The following NXPH1 variants were observed in gnomAD, a reference collection of about 807,000 sequenced individuals.
NXPH1 encodes neurexophilin-1.
A neutral mutation model predicts 23.7 loss-of-function variants in NXPH1; 5 were observed. That is an observed-to-expected ratio of 0.21 (90% CI 0.11 to 0.44). The LOEUF (loss-of-function observed/expected upper bound fraction) is 0.44, where lower values mean the gene tolerates loss of function less well. Among genes scored for constraint, NXPH1 ranks in the 20% least tolerant of loss-of-function variants. The probability of loss-of-function intolerance (pLI) is 0.99; values close to 1 mark genes in which losing one functional copy is unlikely to be tolerated. For synonymous variants in NXPH1, 144 were observed against 122.2 expected (o/e 1.18, Z -1.18); for missense variants, 324 against 321.6 (o/e 1.01, Z -0.06).
At chr7:8,699,144 G>T (rs756933155) in intron 2 of NXPH1, among the ~76,000 whole-genome samples, 3 of 152,026 alleles carry the variant, frequency 2.0e-5, no homozygotes, top group African/African-American at 7.2e-5. Flanking sequence ...TTTTCACTCA[G>T]ATCCAGTTGT....
At chr7:8,741,631 GATTTACAGGAAGGA>G (rs1374808429) in intron 2 of NXPH1, among the ~76,000 whole-genome samples, 4 of 152,002 alleles carry the variant, frequency 2.6e-5, no homozygotes, top group Non-Finnish European at 5.9e-5. Context: ...CTGTTGTTTT[GATTTACAGGAAGGA>G]ATGTATTTTT....
chr7:8,568,394 T>A (rs957014601), intron 2 of NXPH1, among the ~76,000 whole-genome samples: 3 of 151,930 alleles, frequency 2.0e-5, no homozygotes, highest in African/African-American at 7.2e-5. Context: ...ATATTTTAAA[T>A]GATAAATTTT....
chr7:8,644,054 C>T (rs114062897), intron 2 of NXPH1, among the ~76,000 whole-genome samples: 1,703 of 152,282 alleles, frequency 0.011, 34 homozygotes, highest in African/African-American at 0.039. Context: ...GTGTGTTCCA[C>T]AGCTGGGCGT....
intron 2 of NXPH1, among the ~76,000 whole-genome samples, chr7:8,501,478 T>C (rs1334958932): frequency 6.6e-6 from 1 of 152,072 alleles, no homozygotes; most frequent in African/African-American, 2.4e-5. Context: ...ATATGTCTTA[T>C]GAACAGAATT....
chr7:8,452,042 A>G (rs902834833), intron 2 of NXPH1, among the ~76,000 whole-genome samples: 1 of 152,198 alleles, frequency 6.6e-6, no homozygotes, highest in Non-Finnish European at 1.5e-5. Context: ...CTGACAGAAG[A>G]AAACTGACTG....
intron 2 of NXPH1, among the ~76,000 whole-genome samples, chr7:8,606,026 C>G (rs1011943494): frequency 6.6e-6 from 1 of 151,974 alleles, no homozygotes; most frequent in African/African-American, 2.4e-5. Context: ...ATAATTCTTC[C>G]TGTGTCTAAT....
At chr7:8,563,270 T>G (rs1231317136) in intron 2 of NXPH1, among the ~76,000 whole-genome samples, 2 of 151,750 alleles carry the variant, frequency 1.3e-5, no homozygotes, top group East Asian at 3.9e-4. Context: ...AAAACATTGT[T>G]GTGTATTTTA....
intron 2 of NXPH1, among the ~76,000 whole-genome samples, chr7:8,687,152 G>A (rs982046902): frequency 6.6e-6 from 1 of 152,122 alleles, no homozygotes; most frequent in African/African-American, 2.4e-5. Context: ...TTCACAGTAT[G>A]TAATGCATCA....
intron 2 of NXPH1, among the ~76,000 whole-genome samples, chr7:8,728,602 G>A (rs1780097438): frequency 6.6e-6 from 1 of 151,890 alleles, no homozygotes; most frequent in African/African-American, 2.4e-5. Context: ...ATAATCATGT[G>A]GTTTTTGTCT....
intron 2 of NXPH1, among the ~76,000 whole-genome samples, chr7:8,470,917 G>T (rs1442551187): frequency 6.6e-6 from 1 of 152,050 alleles, no homozygotes. Context: ...CTAGACATGG[G>T]AATGGGATCT....
chr7:8,486,987 C>G, intron 2 of NXPH1, among the ~76,000 whole-genome samples: 1 of 152,112 alleles, frequency 6.6e-6, no homozygotes, highest in East Asian at 1.9e-4. Flanking sequence ...TCTCTATTTT[C>G]CATGATCAGA....
chr7:8,750,356 T>C (rs1332968357), intron 2 of NXPH1, among the ~76,000 whole-genome samples: 1 of 152,226 alleles, frequency 6.6e-6, no homozygotes, highest in South Asian at 2.1e-4. Context: ...ATGGGATACA[T>C]GTGCAGAATA....
chr7:8,599,546 A>G (rs1167653545), intron 2 of NXPH1, among the ~76,000 whole-genome samples: 1 of 152,092 alleles, frequency 6.6e-6, no homozygotes, highest in African/African-American at 2.4e-5. Context: ...GTCTTTCTGC[A>G]TTTTAATTTA....
At chr7:8,702,161 G>C (rs766956923) in intron 2 of NXPH1, among the ~76,000 whole-genome samples, 10 of 151,718 alleles carry the variant, frequency 6.6e-5, no homozygotes, top group Non-Finnish European at 1.5e-4. Context: ...GCTTTTTCTG[G>C]TGCTTTTTGG....
intron 2 of NXPH1, among the ~76,000 whole-genome samples, chr7:8,515,957 C>G (rs368097450): frequency 6.6e-6 from 1 of 152,130 alleles, no homozygotes; most frequent in Admixed American, 6.5e-5. Flanking sequence ...CCCGCAGCCT[C>G]TCACACACTC....
chr7:8,729,305 A>G (rs1287242810), intron 2 of NXPH1, among the ~76,000 whole-genome samples: 2 of 142,664 alleles, frequency 1.4e-5, no homozygotes, highest in Non-Finnish European at 3.0e-5. Flanking sequence ...TGGATTCATT[A>G]ATTTTTTGAA....
chr7:8,482,360 C>T (rs1817089497), intron 2 of NXPH1, among the ~76,000 whole-genome samples: 1 of 152,282 alleles, frequency 6.6e-6, no homozygotes, highest in South Asian at 2.1e-4. Flanking sequence ...CAAGTCTCCT[C>T]TAGCCAGGCC....
At chr7:8,593,502 GC>G (rs948974396) in intron 2 of NXPH1, among the ~76,000 whole-genome samples, 7 of 152,004 alleles carry the variant, frequency 4.6e-5, no homozygotes, top group African/African-American at 1.7e-4. Flanking sequence ...GGAATAAATT[GC>G]CCCCTAGTCT....
chr7:8,527,911 C>G (rs1277261561), intron 2 of NXPH1, among the ~76,000 whole-genome samples: 1 of 152,214 alleles, frequency 6.6e-6, no homozygotes, highest in Admixed American at 6.5e-5. Flanking sequence ...AATCCACTGT[C>G]AATGACCCGT....
Sources: gnomAD v4.1 joint callset for allele counts (sites outside exome capture counted in the v4.1 genomes callset) on GRCh38, gnomAD v4.1.1 for gene constraint, MANE v1.5 for transcripts, NCBI Gene and HGNC (gene_info 2026-07-23, HGNC 2026-07-21) for gene names.